Variants in TMEM98 observed in about 807,000 individuals in gnomAD.
TMEM98 encodes the protein transmembrane protein 98.
In TMEM98, 18 loss-of-function variants were observed where a neutral mutation model predicts 25.0. That is an observed-to-expected ratio of 0.72 (90% CI 0.50 to 1.07). The LOEUF (loss-of-function observed/expected upper bound fraction) is 1.07. TMEM98 is among the 50% of genes least tolerant of loss of function. The probability of loss-of-function intolerance (pLI) is 0.00; values close to 1 mark genes in which losing one functional copy is unlikely to be tolerated. For missense variants in TMEM98, 241 were observed against 289.0 expected (o/e 0.83, Z 1.20); for synonymous variants, 103 against 112.4 (o/e 0.92, Z 0.53).
chr17:32,928,750 TCA>T (rs971404300), intron 1 of TMEM98, among the ~76,000 whole-genome samples: 3 of 138,248 alleles, frequency 2.2e-5, no homozygotes, highest in East Asian at 4.4e-4. Context: ...AACACTCAGG[TCA>T]CACACACAAG....
At position 32,933,259 on chromosome 17, in the gene TMEM98, C is replaced by T; in HGVS notation, c.217C>T (p.His73Tyr). ...ELDDVVITNP[H>Y]IEAILENEDW... ...GGACGATGTCGTTATCACCAACCCC[C>T]ACATTGAGGCCATTCTGGAGAATGA... is the stretch of plus-strand genomic sequence containing the variant. Residue 73 changes from histidine to tyrosine, a missense_variant, in exon 4 of 8, where the codon CAC becomes TAC. Coordinates refer to ENST00000579849, the MANE Select transcript of TMEM98 (RefSeq NM_015544.3). The T allele has an allele frequency of 6.2e-7, 1 of 1,614,174 alleles. No individual in the cohort carries two copies. Among genetic ancestry groups the T allele is most frequent in the Non-Finnish European group, 8.5e-7 (1 of 1,180,020 alleles).
rs1382032993 is a variant in TMEM98 at position 32,933,224 on chromosome 17, A to T, written c.182A>T (p.Glu61Val). 2.5e-6 allele frequency: 4 copies of T among 1,614,150 alleles called. No homozygotes were observed. The highest frequency in any genetic ancestry group is 3.4e-6 in the Non-Finnish European group (4 of 1,180,022). The change falls in exon 4 of 8, where the codon GAG (glutamate) becomes GTG (valine). Residue 61 changes from glutamate (E) to valine (V), a missense_variant. Coordinates refer to ENST00000579849, the MANE Select transcript of TMEM98 (RefSeq NM_015544.3). ...GAMETQSEPS[E>V]LELDDVVITN... ...ATGGAGACCCAGTCTGAGCCCTCTG[A>T]GTTAGAACTGGACGATGTCGTTATC...
intron 2 of TMEM98, 28 bp downstream of exon 2, chr17:32,931,430 C>G (rs959240099): frequency 1.1e-5 from 17 of 1,486,670 alleles, no homozygotes; most frequent in East Asian, 4.9e-5. Flanking sequence ...CACTCTCTTT[C>G]GTGGCTTCTT....
intron 5 of TMEM98, 169 bp downstream of exon 5, chr17:32,934,493 C>T: frequency 1.5e-6 from 1 of 660,920 alleles, no homozygotes; most frequent in South Asian, 1.9e-5. Flanking sequence ...CCTGGACTGG[C>T]TGTTCACAGA....
intron 3 of TMEM98, 22 bp downstream of exon 3, chr17:32,931,681 A>G (rs1270646200): frequency 6.2e-7 from 1 of 1,601,532 alleles, no homozygotes; most frequent in South Asian, 1.1e-5. Context: ...TATGGAGGGC[A>G]AGGAGGAGGG....
intron 1 of TMEM98, among the ~76,000 whole-genome samples, chr17:32,929,313 TCACA>T (rs1010983919): frequency 6.6e-6 from 1 of 151,490 alleles, no homozygotes; most frequent in African/African-American, 2.4e-5. Context: ...CACACTCAGC[TCACA>T]CACACCCAGA....
chr17:32,934,969 A>C (rs1215313522), intron 5 of TMEM98, among the ~76,000 whole-genome samples: 2 of 152,062 alleles, frequency 1.3e-5, no homozygotes, highest in African/African-American at 4.8e-5. Context: ...ACCTAATAGA[A>C]TAATAACTAT....
chr17:32,932,547 C>G (rs2091475530), intron 3 of TMEM98, among the ~76,000 whole-genome samples: 1 of 152,202 alleles, frequency 6.6e-6, no homozygotes. Flanking sequence ...ATCCTATCAG[C>G]ATCTCTGTCA....
chr17:32,928,778 T>G (rs1467971832), intron 1 of TMEM98, among the ~76,000 whole-genome samples: 1 of 140,578 alleles, frequency 7.1e-6, no homozygotes, highest in African/African-American at 2.8e-5. Flanking sequence ...TAAGAAACAT[T>G]CAGTTCACAC....
At chr17:32,938,069 G>A (rs971390743) in intron 6 of TMEM98, among the ~76,000 whole-genome samples, 2 of 152,164 alleles carry the variant, frequency 1.3e-5, no homozygotes, top group African/African-American at 2.4e-5. Flanking sequence ...GGATCAGCAC[G>A]GGTCCTAAGA....
At chr17:32,931,834 C>T (rs1335641718) in intron 3 of TMEM98, among the ~76,000 whole-genome samples, 175 bp downstream of exon 3, 1 of 152,166 alleles carries the variant, frequency 6.6e-6, no homozygotes, top group Non-Finnish European at 1.5e-5. Context: ...TTAAGCCTCC[C>T]AACATCCTGA....
intron 6 of TMEM98, among the ~76,000 whole-genome samples, chr17:32,938,380 A>C (rs1421160588): frequency 2.0e-5 from 3 of 152,046 alleles, no homozygotes; most frequent in Admixed American, 1.3e-4. Flanking sequence ...GTGTCTCTGC[A>C]TGTCCTCACC....
Position 32,944,266 on chromosome 17 carries a change from A to T in TMEM98, c.*3273A>T, listed in dbSNP as rs2091545665. ...ATGTGGGGAAAGTGTCAGATGAAGA[A>T]TTTCTATCCTCCTCACCTCCTCCCT... On this transcript the variant is annotated 3_prime_UTR_variant, in exon 8 of 8. Transcript: ENST00000579849. The T allele has an allele frequency of 6.6e-6, 1 of 152,266 alleles. No homozygotes were observed. The highest frequency in any genetic ancestry group is 1.5e-5 in the Non-Finnish European group (1 of 68,076). 9.4% of individuals were successfully genotyped at this position (152,266 alleles called of 1,614,324 possible).
At chr17:32,937,149 G>A (rs2091500959) in intron 6 of TMEM98, among the ~76,000 whole-genome samples, 1 of 152,182 alleles carries the variant, frequency 6.6e-6, no homozygotes, top group Non-Finnish European at 1.5e-5. Context: ...AGAGGGTCGG[G>A]GCCAGGATGT....
rs772767487 is a variant in TMEM98 at position 32,943,827 on chromosome 17, A to C, written c.*2834A>C. ...TCTCTCCACAGCTTCCCATTCTCTGATGCCGCTGACCCAGATGGCGTCACC... is the reference window on the plus strand; with the variant it reads ...TCTCTCCACAGCTTCCCATTCTCTGCTGCCGCTGACCCAGATGGCGTCACC... On this transcript the variant is annotated 3_prime_UTR_variant, in exon 8 of 8. Coordinates refer to ENST00000579849, the MANE Select transcript of TMEM98 (RefSeq NM_015544.3). The C allele has an allele frequency of 5.9e-5, 9 of 152,188 alleles. No individual in the cohort carries two copies. The highest frequency in any genetic ancestry group is 8.8e-5 in the Non-Finnish European group (6 of 68,064). The allele number at this position is 152,188 out of a possible 1,614,324, so 9.4% of individuals were successfully genotyped here.
At chr17:32,940,565 A>C (rs940280032) in intron 7 of TMEM98, among the ~76,000 whole-genome samples, 2 of 152,200 alleles carry the variant, frequency 1.3e-5, no homozygotes, top group Non-Finnish European at 2.9e-5. Context: ...TACCAGGTAC[A>C]TCTCAGAAGG....
In TMEM98 at chr17:32,936,439, C is replaced by T. The variant is rs1004033759; in HGVS notation, c.405C>T (p.Ile135=). Residue 135 remains isoleucine (I), a synonymous_variant, in exon 6 of 8, where the codon ATC becomes ATT. Transcript: ENST00000579849. The part of the protein sequence containing the change: ...VSDIIVVAKR[I]SPRVDDVVKS... Reference sequence around the variant, plus strand: ...ACATCATTGTGGTGGCCAAGCGGATCAGCCCCAGGTGAGCAATTGGCGGCT... The same window carrying T: ...ACATCATTGTGGTGGCCAAGCGGATTAGCCCCAGGTGAGCAATTGGCGGCT... 2 of 1,614,026 alleles carry T rather than the reference C, an allele frequency of 1.2e-6. No individual in the cohort carries two copies. The highest frequency in any genetic ancestry group is 2.7e-5 in the African/African-American group (2 of 74,930).
chr17:32,943,569 G>A lies in TMEM98; in HGVS notation c.*2576G>A, dbSNP rs1187661127. ...ATTCTGATGAAAAAGAAATTACTTG[G>A]AGATAGAGATTCAATGTGAAGAGAA... On this transcript the variant is annotated 3_prime_UTR_variant, in exon 8 of 8. Coordinates refer to ENST00000579849, the MANE Select transcript of TMEM98 (RefSeq NM_015544.3). 6.6e-6 allele frequency: 1 copy of A among 152,158 alleles called. No individual in the cohort carries two copies. The highest frequency in any genetic ancestry group is 2.4e-5 in the African/African-American group (1 of 41,450). The allele number at this position is 152,158 out of a possible 1,614,324, so 9.4% of individuals were successfully genotyped here.
chr17:32,932,868 G>T (rs2091477217), intron 3 of TMEM98, among the ~76,000 whole-genome samples: 1 of 152,186 alleles, frequency 6.6e-6, no homozygotes, highest in South Asian at 2.1e-4. Context: ...GTCCTGAAGG[G>T]ATATCCCTAA....
Sources: allele counts gnomAD v4.1 joint callset (sites outside exome capture counted in the v4.1 genomes callset), GRCh38; gene constraint gnomAD v4.1.1; transcripts MANE v1.5; gene names NCBI Gene and HGNC (gene_info 2026-07-23, HGNC 2026-07-21).